The following ANKS1B variants were observed in gnomAD, a reference collection of about 807,000 sequenced individuals.
ANKS1B encodes the protein ankyrin repeat and sterile alpha motif domain containing 1B.
A neutral mutation model predicts 148.3 loss-of-function variants in ANKS1B; 36 were observed. The observed-to-expected ratio is 0.24, with a 90% CI of 0.19 to 0.32. ANKS1B has a LOEUF of 0.32. Ranked by LOEUF, ANKS1B falls within the 10% of genes least tolerant of loss-of-function variation. The pLI, the probability that ANKS1B is intolerant of heterozygous loss-of-function variation, is 1.00. For missense variants in ANKS1B, 1,157 were observed against 1,542.6 expected (o/e 0.75, Z 4.19); for synonymous variants, 542 against 560.8 (o/e 0.97, Z 0.47).
intron 24 of ANKS1B, among the ~76,000 whole-genome samples, chr12:98,776,162 G>A (rs973611372): frequency 6.6e-6 from 1 of 152,228 alleles, no homozygotes; most frequent in Non-Finnish European, 1.5e-5. Context: ...TGTGCAGGAC[G>A]AATCAAAGGT....
chr12:99,536,983 C>T (rs1009395007), intron 9 of ANKS1B, among the ~76,000 whole-genome samples: 26 of 152,060 alleles, frequency 1.7e-4, no homozygotes, highest in African/African-American at 6.3e-4. Context: ...TTTTTAGATC[C>T]CACAAATAAA....
intron 14 of ANKS1B, among the ~76,000 whole-genome samples, chr12:99,241,883 T>C (rs192834721): frequency 6.6e-6 from 1 of 152,300 alleles, no homozygotes; most frequent in African/African-American, 2.4e-5. Context: ...AAACTAGGTA[T>C]TGATGGAATG....
chr12:99,927,210 A>G (rs1211153347), intron 1 of ANKS1B, among the ~76,000 whole-genome samples: 1 of 152,134 alleles, frequency 6.6e-6, no homozygotes, highest in African/African-American at 2.4e-5. Flanking sequence ...TTTATACCTG[A>G]AGCTTAGCCT....
In ANKS1B at chr12:98,771,703, TC is replaced by T. The variant is rs1398909271; in HGVS notation, c.3579+1338del. Among the ~76,000 whole-genome samples, 4 of 152,140 alleles carry T rather than the reference TC, an allele frequency of 2.6e-5. No homozygotes were observed. The East Asian group carries it at 7.7e-4, about 29-fold the overall frequency. Reference sequence around the variant, plus strand: ...CATGTTTCTCAGGCTCATCTTCAACTCCTGAGCTCAAGTGATCTGCCCACCT... The same window carrying T: ...CATGTTTCTCAGGCTCATCTTCAACTCTGAGCTCAAGTGATCTGCCCACCT... On this transcript the variant is annotated intron_variant, in intron 25 of 26. Transcript: ENST00000683438.
intron 9 of ANKS1B, among the ~76,000 whole-genome samples, chr12:99,550,761 T>G (rs2097210593): frequency 6.8e-6 from 1 of 147,980 alleles, no homozygotes; most frequent in Admixed American, 6.6e-5. Context: ...CCACAATCAC[T>G]AACTAACCCC....
intron 10 of ANKS1B, among the ~76,000 whole-genome samples, chr12:99,485,691 C>T (rs1304203090): frequency 6.6e-6 from 1 of 152,092 alleles, no homozygotes; most frequent in Non-Finnish European, 1.5e-5. Context: ...TTTCCATAAT[C>T]CCATATTTCT....
chr12:99,224,900 A>G (rs551128599), intron 14 of ANKS1B, among the ~76,000 whole-genome samples: 1 of 152,274 alleles, frequency 6.6e-6, no homozygotes, highest in East Asian at 1.9e-4. Context: ...TGTTACATAA[A>G]AATTTAGGTC....
intron 17 of ANKS1B, among the ~76,000 whole-genome samples, chr12:99,034,102 G>A (rs1372636291): frequency 2.6e-5 from 4 of 152,190 alleles, no homozygotes; most frequent in Non-Finnish European, 4.4e-5. Context: ...ACCCCAGACT[G>A]CTGTGTGACT....
At chr12:99,812,120 A>G (rs1408531838) in intron 3 of ANKS1B, 35 bp downstream of exon 3, 1 of 1,587,648 alleles carries the variant, frequency 6.3e-7, no homozygotes, top group Admixed American at 1.8e-5. Flanking sequence ...AAAACTAGAA[A>G]AATTACATCA....
chr12:99,414,987 T>C (rs570481157), intron 11 of ANKS1B, among the ~76,000 whole-genome samples: 1 of 152,340 alleles, frequency 6.6e-6, no homozygotes, highest in African/African-American at 2.4e-5. Flanking sequence ...TCATACAATG[T>C]ATTCAAATCT....
At chr12:99,633,737 T>C (rs2098199193) in intron 9 of ANKS1B, among the ~76,000 whole-genome samples, 1 of 152,098 alleles carries the variant, frequency 6.6e-6, no homozygotes, top group Non-Finnish European at 1.5e-5. Context: ...AATCTACTCA[T>C]CTGACAAAGG....
intron 10 of ANKS1B, among the ~76,000 whole-genome samples, chr12:99,454,031 A>G (rs1052052046): frequency 3.9e-5 from 6 of 152,220 alleles, no homozygotes; most frequent in African/African-American, 1.4e-4. Flanking sequence ...GAAGCATTCC[A>G]GGCAAAGAAA....
intron 11 of ANKS1B, among the ~76,000 whole-genome samples, chr12:99,427,749 G>A (rs1209199960): frequency 3.3e-5 from 5 of 152,134 alleles, no homozygotes; most frequent in South Asian, 2.1e-4. Flanking sequence ...TGAGTAAAAC[G>A]GATGAATGAA....
At chr12:98,817,178 A>C (rs543331534) in intron 19 of ANKS1B, among the ~76,000 whole-genome samples, 1 of 152,306 alleles carries the variant, frequency 6.6e-6, no homozygotes, top group African/African-American at 2.4e-5. Context: ...GTGCTTCTAA[A>C]AGAAAATGAA....
At position 99,932,944 on chromosome 12, in the gene ANKS1B, G is replaced by T. The variant is rs1381378980; in HGVS notation, c.134+51160C>A. Among the ~76,000 whole-genome samples, 4 of 152,134 alleles carry T rather than the reference G, an allele frequency of 2.6e-5. No individual in the cohort carries two copies. In the South Asian group the frequency reaches 8.3e-4, roughly 32 times the overall value. ...CATTCTGATTTGATTTTTTTAGATG[G>T]CAAGAGATAGGGGTCCAGTTTCATT... On this transcript the variant is annotated intron_variant, in intron 1 of 26. Transcript: ENST00000683438.
intron 12 of ANKS1B, among the ~76,000 whole-genome samples, chr12:99,371,228 G>C (rs944044011): frequency 6.6e-6 from 1 of 151,950 alleles, no homozygotes; most frequent in Non-Finnish European, 1.5e-5. Context: ...TAGTTTCCCA[G>C]ATTCTAATTG....
At chr12:99,621,733 T>C (rs562791993) in intron 9 of ANKS1B, among the ~76,000 whole-genome samples, 50 of 152,062 alleles carry the variant, frequency 3.3e-4, no homozygotes, top group South Asian at 6.3e-4. Flanking sequence ...ACACCCAACA[T>C]TGAAGCATCT....
rs1352262887 is a variant in ANKS1B at position 99,189,817 on chromosome 12, C to T, written c.2420-35422G>A. ...GCCCTCTCTCACCACTCCTATTCAACATAGTATTGGAAGTTCTGGCCAGGG... is the reference window on the plus strand; with the variant it reads ...GCCCTCTCTCACCACTCCTATTCAATATAGTATTGGAAGTTCTGGCCAGGG... On this transcript the variant is annotated intron_variant, in intron 14 of 26. Transcript: ENST00000683438. Among the ~76,000 whole-genome samples, 7 of 152,138 alleles carry T rather than the reference C, an allele frequency of 4.6e-5. No individual in the cohort carries two copies. In the South Asian group the frequency reaches 1.2e-3, roughly 27 times the overall value.
intron 11 of ANKS1B, among the ~76,000 whole-genome samples, chr12:99,409,059 G>GTCT (rs1290916974): frequency 6.6e-6 from 1 of 152,102 alleles, no homozygotes; most frequent in Non-Finnish European, 1.5e-5. Flanking sequence ...CATGTTTATT[G>GTCT]CAGGACTATT....
Sources: gnomAD v4.1 joint callset for allele counts (sites outside exome capture counted in the v4.1 genomes callset) on GRCh38, gnomAD v4.1.1 for gene constraint, MANE v1.5 for transcripts, NCBI Gene and HGNC (gene_info 2026-07-23, HGNC 2026-07-21) for gene names.